The following SNX29 variants were observed in gnomAD, a reference collection of about 807,000 sequenced individuals.
SNX29 encodes the protein sorting nexin 29.
In SNX29, 78 loss-of-function variants were observed where a neutral mutation model predicts 102.1. The ratio of observed to expected loss-of-function variants is 0.76; its 90% CI spans 0.64 to 0.92. The LOEUF is 0.92. SNX29 is among the 40% of genes least tolerant of loss of function. The pLI is 0.00. For synonymous variants in SNX29, 580 were observed against 414.5 expected (o/e 1.40, Z -4.85); for missense variants, 1,280 against 1,061.7 (o/e 1.21, Z -2.86).
intron 13 of SNX29, among the ~76,000 whole-genome samples, chr16:12,148,538 CT>C (rs2055162103): frequency 6.6e-6 from 1 of 152,160 alleles, no homozygotes; most frequent in Non-Finnish European, 1.5e-5. Flanking sequence ...CAATCTCCCC[CT>C]CCCCTGCATG....
intron 14 of SNX29, among the ~76,000 whole-genome samples, chr16:12,266,180 C>G (rs184655674): frequency 1.3e-5 from 2 of 152,288 alleles, no homozygotes; most frequent in South Asian, 4.1e-4. Flanking sequence ...CCGCCTCAGC[C>G]TCCCAAAGTG....
chr16:11,977,028 TC>T, intron 1 of SNX29: 1 of 478,750 alleles, frequency 2.1e-6, no homozygotes, highest in East Asian at 3.7e-5. Flanking sequence ...ACTCCTGGTC[TC>T]CTGACTCCTG....
rs761231278 is a variant in SNX29 at position 12,537,158 on chromosome 16, C to G, written c.2318+12317C>G. ...ATCTCAGAGGCTGGGACTCTGGGAT[C>G]TTGTTAGCATAAAGATGCCATCCCC... On this transcript the variant is annotated intron_variant, in intron 20 of 20. Coordinates refer to ENST00000566228, the MANE Select transcript of SNX29 (RefSeq NM_032167.5). Among the ~76,000 whole-genome samples, 27 of 152,110 alleles carry G rather than the reference C, an allele frequency of 1.8e-4. 1 individual carries two copies. The highest frequency in any genetic ancestry group is 3.5e-4 in the Non-Finnish European group (24 of 68,016).
At chr16:12,087,033 A>C (rs903533187) in intron 11 of SNX29, 1 of 152,152 alleles carries the variant, frequency 6.6e-6, no homozygotes, top group Non-Finnish European at 1.5e-5. Context: ...GGTAACCATC[A>C]TAACACTTAA....
At chr16:12,565,384 G>T (rs558095112) in intron 20 of SNX29, among the ~76,000 whole-genome samples, 1 of 152,088 alleles carries the variant, frequency 6.6e-6, no homozygotes, top group African/African-American at 2.4e-5. Flanking sequence ...CCAGATTTCC[G>T]CAGGTGTCAT....
At chr16:12,242,367 A>ATATATT (rs1208660733) in intron 14 of SNX29, among the ~76,000 whole-genome samples, 12 of 141,614 alleles carry the variant, frequency 8.5e-5, no homozygotes, top group African/African-American at 3.1e-4. Context: ...ATATATATAT[A>ATATATT]TTTTTTTTTT....
At chr16:12,210,814 G>A (rs916475210) in intron 14 of SNX29, among the ~76,000 whole-genome samples, 4 of 151,344 alleles carry the variant, frequency 2.6e-5, no homozygotes, top group East Asian at 1.9e-4. Context: ...ACTCTGCTCC[G>A]GTCTATTTTG....
intron 14 of SNX29, among the ~76,000 whole-genome samples, chr16:12,239,639 C>CAAAAAAAAA (rs61024203): frequency 2.2e-4 from 14 of 62,564 alleles, no homozygotes; most frequent in African/African-American, 8.2e-4. Flanking sequence ...CCTGTTTCTA[C>CAAAAAAAAA]AAAAAAAAAA....
chr16:12,462,630 A>G (rs2086858415), intron 18 of SNX29, among the ~76,000 whole-genome samples: 1 of 152,142 alleles, frequency 6.6e-6, no homozygotes, highest in Non-Finnish European at 1.5e-5. Context: ...AGTCATACTT[A>G]TCAATATATC....
At position 12,572,767 on chromosome 16, in the gene SNX29, G is replaced by A. The variant is rs147960163; in HGVS notation, c.*4138G>A. 1.1e-5 allele frequency: 12 copies of A among 1,064,014 alleles called. No homozygotes were observed. Among genetic ancestry groups the A allele is most frequent in the African/African-American group, 9.8e-5 (6 of 61,124 alleles). The allele number at this position is 1,064,014 out of a possible 1,614,324, so 65.9% of individuals were successfully genotyped here. A position where few individuals can be genotyped will look rare whatever the true frequency, so the allele number is the denominator to read the frequency against. On this transcript the variant is annotated 3_prime_UTR_variant, in exon 21 of 21. Coordinates refer to ENST00000566228, the MANE Select transcript of SNX29 (RefSeq NM_032167.5). ...TGGGTTTTCAGCTTCTGGGACCCGA[G>A]GAAGACCCCACCTCACTCCTCCTTC...
chr16:12,220,303 T>C (rs957862783), intron 14 of SNX29, among the ~76,000 whole-genome samples: 17 of 101,370 alleles, frequency 1.7e-4, no homozygotes, highest in African/African-American at 6.4e-4. Context: ...AGGTTTTCTT[T>C]ATGGGAGGGA....
At chr16:12,206,544 C>T (rs570580467) in intron 14 of SNX29, among the ~76,000 whole-genome samples, 151 of 152,278 alleles carry the variant, frequency 9.9e-4, no homozygotes, top group African/African-American at 3.4e-3. Context: ...AGTCAGTACA[C>T]GGGCGCTCCC....
chr16:12,360,030 G>A (rs1362543038), intron 16 of SNX29, among the ~76,000 whole-genome samples: 2 of 152,104 alleles, frequency 1.3e-5, no homozygotes, highest in East Asian at 1.9e-4. Context: ...CTCCATTTTG[G>A]CCAGGCTGGT....
At chr16:12,557,614 G>A (rs182532520) in intron 20 of SNX29, 2 of 152,082 alleles carry the variant, frequency 1.3e-5, no homozygotes, top group Non-Finnish European at 1.5e-5. Flanking sequence ...CATTCTCCTT[G>A]GCATCCCAGA....
chr16:12,425,780 G>T (rs563712828), intron 18 of SNX29, among the ~76,000 whole-genome samples: 1 of 152,154 alleles, frequency 6.6e-6, no homozygotes, highest in African/African-American at 2.4e-5. Flanking sequence ...AATTCCTCTC[G>T]GAATTCCTCT....
At position 12,040,101 on chromosome 16, in the gene SNX29, C is replaced by T. The variant is rs554101070; in HGVS notation, c.248-2796C>T. ...ATCTGGGGTTGGGCATGGTGGCTCC[C>T]GACTGTAATCCTAGCATTTTGGGAA... On this transcript the variant is annotated intron_variant, in intron 4 of 20. Transcript: ENST00000566228. 7.4e-4 allele frequency among the ~76,000 whole-genome samples: 113 copies of T among 152,198 alleles called. 1 individual carries two copies. In the South Asian group the frequency reaches 0.018, roughly 25 times the overall value.
chr16:12,449,377 G>A (rs2086202708), intron 18 of SNX29, among the ~76,000 whole-genome samples: 1 of 151,980 alleles, frequency 6.6e-6, no homozygotes, highest in Non-Finnish European at 1.5e-5. Flanking sequence ...GCACGGCAAG[G>A]ACAGGGATCA....
intron 15 of SNX29, among the ~76,000 whole-genome samples, chr16:12,349,484 A>C (rs763057369): frequency 1.3e-5 from 2 of 152,260 alleles, no homozygotes; most frequent in Admixed American, 6.5e-5. Context: ...CCCAAATTCA[A>C]AATATTCCGG....
chr16:12,552,412 C>A (rs1038111972), intron 20 of SNX29, among the ~76,000 whole-genome samples: 1 of 152,218 alleles, frequency 6.6e-6, no homozygotes, highest in African/African-American at 2.4e-5. Context: ...GTGGTGAGGA[C>A]GTGGTCAGTT....
Sources: allele counts gnomAD v4.1 joint callset (sites outside exome capture counted in the v4.1 genomes callset), GRCh38; gene constraint gnomAD v4.1.1; transcripts MANE v1.5; gene names NCBI Gene and HGNC (gene_info 2026-07-23, HGNC 2026-07-21).